The following LTBP1 variants were observed in gnomAD, a reference collection of about 807,000 sequenced individuals.
The protein encoded by LTBP1 is latent transforming growth factor beta binding protein 1, also known as latent-transforming growth factor beta-binding protein 1.
In LTBP1, 129 loss-of-function variants were observed where a neutral mutation model predicts 207.6. The observed-to-expected ratio is 0.62, with a 90% CI of 0.54 to 0.72. The LOEUF is 0.72. LTBP1 is among the 30% of genes least tolerant of loss of function. The pLI is 0.00. For synonymous variants in LTBP1, 963 were observed against 833.7 expected (o/e 1.16, Z -2.67); for missense variants, 2,281 against 2,217.2 (o/e 1.03, Z -0.58).
chr2:33,077,760 C>T (rs1418343884), intron 3 of LTBP1, among the ~76,000 whole-genome samples: 1 of 152,142 alleles, frequency 6.6e-6, no homozygotes, highest in Non-Finnish European at 1.5e-5. Context: ...TATTTACAAA[C>T]CAAGCCCAAA....
In LTBP1 at chr2:33,398,442, A is replaced by G. The variant is rs2095379796; in HGVS notation, c.5063A>G (p.Tyr1688Cys). 1 of 1,614,128 alleles carries G rather than the reference A, an allele frequency of 6.2e-7. No individual in the cohort carries two copies. ...AAGTGCATTAACACCGATGGTTCCT[A>G]CAAGTGTTTGTGTCTGCCAGGCTAC... ...NAKCINTDGS[Y>C]KCLCLPGYVP... is the part of the protein sequence containing the mutation. The change falls in exon 34 of 34, where the codon TAC becomes TGC. Residue 1688 changes from tyrosine to cysteine, a missense_variant. Physicochemically the swap from Tyr to Cys is radical, Grantham distance 194 (BLOSUM62 -2). Coordinates refer to ENST00000404816, the MANE Select transcript of LTBP1 (RefSeq NM_206943.4).
At chr2:33,116,380 C>CA (rs2080746219) in intron 4 of LTBP1, among the ~76,000 whole-genome samples, 1 of 152,088 alleles carries the variant, frequency 6.6e-6, no homozygotes, top group Non-Finnish European at 1.5e-5. Context: ...TTCAACAAGG[C>CA]AGAAATTTTA....
intron 9 of LTBP1, among the ~76,000 whole-genome samples, chr2:33,224,851 C>G (rs539098074): frequency 7.9e-5 from 12 of 152,130 alleles, no homozygotes; most frequent in African/African-American, 2.9e-4. Context: ...CCAATTTTTC[C>G]CCCAAAGAAT....
intron 5 of LTBP1, among the ~76,000 whole-genome samples, chr2:33,146,140 G>A (rs953559857): frequency 1.4e-4 from 22 of 152,196 alleles, no homozygotes; most frequent in African/African-American, 5.3e-4. Flanking sequence ...ATCGGGTTGG[G>A]ATGTAGGAGT....
At chr2:33,281,306 T>A (rs1019362850) in intron 19 of LTBP1, among the ~76,000 whole-genome samples, 1 of 152,104 alleles carries the variant, frequency 6.6e-6, no homozygotes, top group African/African-American at 2.4e-5. Context: ...CGAGCTGCCC[T>A]TAGGAAAATT....
intron 19 of LTBP1, among the ~76,000 whole-genome samples, chr2:33,289,837 G>A (rs1014942995): frequency 6.6e-6 from 1 of 152,164 alleles, no homozygotes; most frequent in African/African-American, 2.4e-5. Flanking sequence ...ATGAAAACCA[G>A]AGGCATAATC....
chr2:33,167,719 G>C (rs1302314667), intron 5 of LTBP1, among the ~76,000 whole-genome samples: 1 of 152,216 alleles, frequency 6.6e-6, no homozygotes, highest in African/African-American at 2.4e-5. Context: ...ATACAACCGT[G>C]TATGGAGGAA....
At chr2:33,010,843 C>T (rs893091488) in intron 2 of LTBP1, among the ~76,000 whole-genome samples, 3 of 151,678 alleles carry the variant, frequency 2.0e-5, no homozygotes, top group African/African-American at 7.3e-5. Flanking sequence ...CCTCAGCCTC[C>T]CGAGTAGCTG....
At chr2:33,116,543 AACACATAAT>A (rs2080757173) in intron 4 of LTBP1, among the ~76,000 whole-genome samples, 1 of 152,226 alleles carries the variant, frequency 6.6e-6, no homozygotes, top group African/African-American at 2.4e-5. Flanking sequence ...GGCATTTGCA[AACACATAAT>A]ACTGTTAAAT....
intron 2 of LTBP1, among the ~76,000 whole-genome samples, chr2:32,971,040 GTGTC>G (rs869199467): frequency 4.3e-4 from 59 of 137,242 alleles, no homozygotes; most frequent in African/African-American, 1.2e-3. Context: ...GTGTGTGTGT[GTGTC>G]TGTCTGTCTT....
At chr2:33,303,030 T>C (rs2094017841) in intron 22 of LTBP1, among the ~76,000 whole-genome samples, 1 of 148,720 alleles carries the variant, frequency 6.7e-6, no homozygotes, top group Admixed American at 6.7e-5. Flanking sequence ...GAGAAATAGG[T>C]CAGATAAGTG....
At chr2:33,094,954 C>G (rs2079310002) in intron 3 of LTBP1, among the ~76,000 whole-genome samples, 1 of 152,178 alleles carries the variant, frequency 6.6e-6, no homozygotes, top group East Asian at 1.9e-4. Flanking sequence ...GGAATTATTT[C>G]CAAATTTATA....
At chr2:32,988,532 T>C (rs558422196) in intron 2 of LTBP1, among the ~76,000 whole-genome samples, 28 of 152,232 alleles carry the variant, frequency 1.8e-4, no homozygotes, top group Non-Finnish European at 3.4e-4. Flanking sequence ...ATGTATTTCA[T>C]TGGGAAATCT....
intron 5 of LTBP1, among the ~76,000 whole-genome samples, chr2:33,176,537 A>G (rs960449639): frequency 6.6e-6 from 1 of 152,112 alleles, no homozygotes; most frequent in African/African-American, 2.4e-5. Flanking sequence ...CAACATGTTA[A>G]TTTAATATAT....
intron 2 of LTBP1, among the ~76,000 whole-genome samples, chr2:32,989,764 A>G (rs866653411): frequency 6.6e-6 from 1 of 152,206 alleles, no homozygotes; most frequent in East Asian, 1.9e-4. Flanking sequence ...CAAGGGAGCG[A>G]ACTTGGGTTC....
At chr2:33,274,354 AAAAG>A (rs1273980171) in intron 16 of LTBP1, among the ~76,000 whole-genome samples, 2 of 151,806 alleles carry the variant, frequency 1.3e-5, no homozygotes, top group African/African-American at 4.8e-5. Context: ...TTTTTTAAGA[AAAAG>A]AAAATTCAGC....
At chr2:33,222,374 G>T (rs1231109934) in intron 9 of LTBP1, among the ~76,000 whole-genome samples, 1 of 152,206 alleles carries the variant, frequency 6.6e-6, no homozygotes, top group African/African-American at 2.4e-5. Context: ...ATCTAAAAGA[G>T]TTTGGATAGA....
intron 24 of LTBP1, among the ~76,000 whole-genome samples, chr2:33,330,786 C>T (rs1291864538): frequency 2.8e-5 from 4 of 143,126 alleles, no homozygotes; most frequent in Non-Finnish European, 4.5e-5. Context: ...TTTGTTCTTC[C>T]GGACTCAGGT....
In LTBP1 at chr2:33,217,643, C is replaced by T. The variant is rs139903909; in HGVS notation, c.1793C>T (p.Pro598Leu). The change falls in exon 8 of 34, where the codon CCC (proline) becomes CTC (leucine). Residue 598 changes from proline to leucine, a missense_variant. By Grantham distance (98) the Pro-to-Leu change is moderately conservative. Around this residue, in one of 3 missense-constraint regions of LTBP1, gnomAD observed 1,671 missense variants for 1,634.8 expected, o/e 1.02. Coordinates refer to ENST00000404816, the MANE Select transcript of LTBP1 (RefSeq NM_206943.4). Reference sequence around the variant, plus strand: ...GGCTTTAACAAATGCCAGAAATGCCCCAAGAAACCATGTAAGTAATGTTTC... The same window carrying T: ...GGCTTTAACAAATGCCAGAAATGCCTCAAGAAACCATGTAAGTAATGTTTC... ...SWGFNKCQKC[P>L]KKPSYHGYNQ... 6.2e-7 allele frequency: 1 copy of T among 1,612,162 alleles called. No homozygotes were observed. Among genetic ancestry groups the T allele is most frequent in the Non-Finnish European group, 8.5e-7 (1 of 1,178,672 alleles).
Sources: allele counts gnomAD v4.1 joint callset (sites outside exome capture counted in the v4.1 genomes callset), GRCh38; gene constraint gnomAD v4.1.1; regional missense constraint gnomAD v4.1.1; transcripts MANE v1.5; gene names NCBI Gene and HGNC (gene_info 2026-07-23, HGNC 2026-07-21).